Variants in CACNA1B observed in about 807,000 individuals in gnomAD.
CACNA1B encodes the protein calcium voltage-gated channel subunit alpha1 B, also known as voltage-dependent N-type calcium channel subunit alpha-1B.
A neutral mutation model predicts 247.2 loss-of-function variants in CACNA1B; 70 were observed. That is an observed-to-expected ratio of 0.28 (90% CI 0.23 to 0.35). The LOEUF is 0.35. Among genes scored for constraint, CACNA1B ranks in the 10% least tolerant of loss-of-function variants. The probability of loss-of-function intolerance (pLI) is 1.00; values close to 1 mark genes in which losing one functional copy is unlikely to be tolerated. For missense variants in CACNA1B, 2,367 were observed against 3,197.4 expected (o/e 0.74, Z 6.26); for synonymous variants, 1,231 against 1,294.4 (o/e 0.95, Z 1.05).
At position 138,096,469 on chromosome 9, in the gene CACNA1B, C is replaced by T. The variant is rs1369087515; in HGVS notation, c.5095-15C>T. The T allele has an allele frequency of 1.2e-6, 2 of 1,611,824 alleles. No individual in the cohort carries two copies. The highest frequency in any genetic ancestry group is 1.6e-4 in the Middle Eastern group (1 of 6,084). ...AGGTCTCTCTCCGTCACCTGTTCTC[C>T]TTCCTGTCCTGCAGATGTTGAACCT... is the stretch of plus-strand genomic sequence containing the variant. On this transcript the variant is annotated splice_polypyrimidine_tract_variant and intron_variant, in intron 36 of 46. Transcript: ENST00000371372.
At chr9:137,902,777 C>T (rs965816306) in intron 3 of CACNA1B, among the ~76,000 whole-genome samples, 2 of 152,182 alleles carry the variant, frequency 1.3e-5, no homozygotes, top group Admixed American at 1.3e-4. Context: ...CCCCTCCTGT[C>T]GTGGGCAGGC....
chr9:137,924,991 T>C (rs193076167), intron 6 of CACNA1B, among the ~76,000 whole-genome samples: 3 of 152,294 alleles, frequency 2.0e-5, no homozygotes, highest in Non-Finnish European at 4.4e-5. Flanking sequence ...ACAGGAAGCT[T>C]GTTTATACTG....
In CACNA1B at chr9:137,913,101, C is replaced by A; in HGVS notation, c.531-79C>A. ...GTCACTGCTCTTGGGAGACATGACC[C>A]TGGTGGTGGGAGGAGTGTGTCCTCT... On this transcript the variant is annotated intron_variant, in intron 3 of 46. Coordinates refer to ENST00000371372, the MANE Select transcript of CACNA1B (RefSeq NM_000718.4). The surrounding 1 kb of genome is among the most constrained non-coding windows in gnomAD (Gnocchi z 5.2). 1 of 1,106,426 alleles carries A rather than the reference C, an allele frequency of 9.0e-7. No homozygotes were observed. 68.5% of individuals were successfully genotyped at this position (1,106,426 alleles called of 1,614,324 possible). A position where few individuals can be genotyped will look rare whatever the true frequency, so the allele number is the denominator to read the frequency against.
At chr9:138,043,174 G>T (rs2133470950) in intron 20 of CACNA1B, among the ~76,000 whole-genome samples, 2 of 152,328 alleles carry the variant, frequency 1.3e-5, no homozygotes, top group East Asian at 3.9e-4. Context: ...CTGAGCGGTA[G>T]AGGATGGGCC....
At chr9:138,117,811 C>G in intron 42 of CACNA1B, 135 bp from the exon 43 acceptor site, 1 of 632,708 alleles carries the variant, frequency 1.6e-6, no homozygotes, top group Non-Finnish European at 2.6e-6. Flanking sequence ...TCAATTCAGT[C>G]CAGAACAGGG....
At chr9:137,912,673 C>T (rs1399668566) in intron 3 of CACNA1B, among the ~76,000 whole-genome samples, 2 of 152,072 alleles carry the variant, frequency 1.3e-5, no homozygotes, top group East Asian at 3.9e-4. Flanking sequence ...TTTCCAATAC[C>T]CCACTTCCCT....
chr9:138,035,912 A>G (rs914696616), intron 20 of CACNA1B, among the ~76,000 whole-genome samples: 1 of 152,130 alleles, frequency 6.6e-6, no homozygotes. Flanking sequence ...TTTTGTTTCA[A>G]ATATTTTTTC....
In CACNA1B at chr9:138,059,060, G is replaced by C; in HGVS notation, c.4474-19G>C. 1 of 1,498,522 alleles carries C rather than the reference G, an allele frequency of 6.7e-7. No individual in the cohort carries two copies. Among genetic ancestry groups the C allele is most frequent in the Non-Finnish European group, 9.3e-7 (1 of 1,076,664 alleles). 92.8% of individuals were successfully genotyped at this position (1,498,522 alleles called of 1,614,324 possible). ...GGGGCTGCCAAACCCATGGCCAACA[G>C]TGCCTATTCCCCGGGCAGTTCTATG... On this transcript the variant is annotated intron_variant, in intron 29 of 46. Transcript: ENST00000371372. This position sits in a 1 kb window ranked among gnomAD's most constrained non-coding sequence, Gnocchi z 4.2.
chr9:138,061,566 A>G (rs1959724816), intron 31 of CACNA1B, among the ~76,000 whole-genome samples: 1 of 152,158 alleles, frequency 6.6e-6, no homozygotes, highest in Non-Finnish European at 1.5e-5. Context: ...AGCGTCTCCT[A>G]AGTGGTGTTG....
At chr9:138,021,849 G>T (rs1482059224) in intron 18 of CACNA1B, among the ~76,000 whole-genome samples, 1 of 152,264 alleles carries the variant, frequency 6.6e-6, no homozygotes, top group Admixed American at 6.5e-5. Flanking sequence ...AGATGCCATG[G>T]CCCTCATTGT....
At chr9:137,927,533 A>G (rs1421952576) in intron 6 of CACNA1B, among the ~76,000 whole-genome samples, 5 of 152,194 alleles carry the variant, frequency 3.3e-5, no homozygotes, top group African/African-American at 1.2e-4. Context: ...CTTGTCAAAA[A>G]TCATTTGGCC....
Position 137,986,692 on chromosome 9 carries a change from A to G in CACNA1B, c.1902-90A>G, listed in dbSNP as rs1958366089. 4.2e-6 allele frequency: 6 copies of G among 1,412,970 alleles called. No homozygotes were observed. The highest frequency in any genetic ancestry group is 6.0e-6 in the Non-Finnish European group (6 of 998,158). The allele number at this position is 1,412,970 out of a possible 1,614,324, so 87.5% of individuals were successfully genotyped here. A position where few individuals can be genotyped will look rare whatever the true frequency, so the allele number is the denominator to read the frequency against. The stretch of plus-strand genomic sequence containing the variant: ...CAGTGTGCAGCCATCTGCAGCCTGA[A>G]GCGAGCAGGTTGAGGCCACGCTGGA... On this transcript the variant is annotated intron_variant, in intron 14 of 46. Transcript: ENST00000371372. This position sits in a 1 kb window ranked among gnomAD's most constrained non-coding sequence, Gnocchi z 6.0.
At chr9:138,026,514 G>C (rs1958922774) in intron 20 of CACNA1B, among the ~76,000 whole-genome samples, 1 of 152,192 alleles carries the variant, frequency 6.6e-6, no homozygotes. Flanking sequence ...TCATAGGGTT[G>C]GAATCATACA....
intron 15 of CACNA1B, among the ~76,000 whole-genome samples, chr9:137,993,322 T>G (rs1958455512): frequency 9.5e-6 from 1 of 105,200 alleles, no homozygotes; most frequent in African/African-American, 5.7e-5. Context: ...ATAGATAAAA[T>G]TTAAATTTTT....
rs1018602909 is a variant in CACNA1B at position 137,913,436 on chromosome 9, G to T, written c.622+165G>T. 1.3e-5 allele frequency among the ~76,000 whole-genome samples: 2 copies of T among 151,968 alleles called. No homozygotes were observed. Among genetic ancestry groups the T allele is most frequent in the African/African-American group, 4.8e-5 (2 of 41,388 alleles). On this transcript the variant is annotated intron_variant, in intron 4 of 46. Transcript: ENST00000371372. This position sits in a 1 kb window ranked among gnomAD's most constrained non-coding sequence, Gnocchi z 5.2. ...AGGAAGGGAGGAGCAGGCCTTTTTT[G>T]GCCTGTCACACCCTCCATGAAAGCC...
At chr9:137,938,108 C>T (rs1443461795) in intron 6 of CACNA1B, among the ~76,000 whole-genome samples, 2 of 152,090 alleles carry the variant, frequency 1.3e-5, no homozygotes, top group African/African-American at 2.4e-5. Context: ...GCTCTATCTT[C>T]AGCCTCCTTA....
At chr9:137,989,054 C>T (rs1165933191) in intron 15 of CACNA1B, among the ~76,000 whole-genome samples, 1 of 152,166 alleles carries the variant, frequency 6.6e-6, no homozygotes, top group African/African-American at 2.4e-5. Context: ...GCCAGCATCC[C>T]AGACAGTGCC....
chr9:138,049,139 G>C, intron 23 of CACNA1B, 70 bp from the exon 24 acceptor site: 2 of 1,020,692 alleles, frequency 2.0e-6, no homozygotes, highest in South Asian at 1.3e-5. Context: ...ACAGGCATGA[G>C]CCTCTGCACC....
At position 138,042,563 on chromosome 9, in the gene CACNA1B, T is replaced by G. The variant is rs375302083; in HGVS notation, c.3287-1211T>G. Among the ~76,000 whole-genome samples, 266 of 152,384 alleles carry G rather than the reference T, an allele frequency of 1.7e-3. 1 individual carries two copies. The highest frequency in any genetic ancestry group is 5.9e-3 in the African/African-American group (246 of 41,598). On this transcript the variant is annotated intron_variant, in intron 20 of 46. Transcript: ENST00000371372. ...TGTCTAATAAATTAATAGAATTTTTTGGGGCTTCAAGTAAGTTTTGCCAGA... is the reference window on the plus strand; with the variant it reads ...TGTCTAATAAATTAATAGAATTTTTGGGGGCTTCAAGTAAGTTTTGCCAGA...
Sources: gnomAD v4.1 joint callset for allele counts (sites outside exome capture counted in the v4.1 genomes callset) on GRCh38, gnomAD v4.1.1 for gene constraint, Gnocchi (gnomAD v3.1) non-coding constraint, MANE v1.5 for transcripts, NCBI Gene and HGNC (gene_info 2026-07-23, HGNC 2026-07-21) for gene names.